IL1RAPL2: variants seen among roughly 807,000 people sequenced by gnomAD.
IL1RAPL2 encodes interleukin 1 receptor accessory protein like 2, also known as X-linked interleukin-1 receptor accessory protein-like 2.
Under a neutral mutation model 44.1 loss-of-function variants are expected in IL1RAPL2, and 3 were observed. That is an observed-to-expected ratio of 0.07 (90% CI 0.03 to 0.18). IL1RAPL2 has a LOEUF of 0.18. IL1RAPL2 is among the 10% of genes least tolerant of loss of function. The probability of loss-of-function intolerance (pLI) is 1.00; values close to 1 mark genes in which losing one functional copy is unlikely to be tolerated. For synonymous variants in IL1RAPL2, 181 were observed against 178.8 expected, an observed-to-expected ratio of 1.01 and a Z score of -0.10; for missense variants, 391 against 496.4, an observed-to-expected ratio of 0.79 and a Z score of 2.02.
intron 1 of IL1RAPL2, among the ~76,000 whole-genome samples, chrX:104,632,345 G>T (rs1398309542): frequency 2.7e-5 from 3 of 111,384 alleles, no homozygotes; most frequent in Middle Eastern, 9.2e-3. Flanking sequence ...GGTTCCATAT[G>T]AACTTTAAAG....
intron 2 of IL1RAPL2, among the ~76,000 whole-genome samples, chrX:105,132,602 T>A (rs1472134282): frequency 9.0e-6 from 1 of 111,704 alleles, no homozygotes; most frequent in Non-Finnish European, 1.9e-5. Flanking sequence ...ACAATGTGCC[T>A]GGATGGTTTC....
At chrX:104,855,389 A>T (rs1462105016) in intron 2 of IL1RAPL2, among the ~76,000 whole-genome samples, 1 of 111,299 alleles carries the variant, frequency 9.0e-6, no homozygotes, top group Non-Finnish European at 1.9e-5. Flanking sequence ...GGGGTAAGGG[A>T]ATGGCAATCT....
intron 6 of IL1RAPL2, among the ~76,000 whole-genome samples, chrX:105,559,661 T>C (rs1397957578): frequency 2.7e-5 from 3 of 111,915 alleles, no homozygotes; most frequent in African/African-American, 9.7e-5. Context: ...CACTTGAAAC[T>C]ATCACTTGGC....
intron 2 of IL1RAPL2, among the ~76,000 whole-genome samples, chrX:104,853,958 G>GA (rs2147643683): frequency 9.3e-6 from 1 of 107,777 alleles, no homozygotes; most frequent in Non-Finnish European, 1.9e-5. Context: ...TGGAGTGTGT[G>GA]AAAAAAGTAT....
chrX:104,675,074 A>C (rs1261244547), intron 2 of IL1RAPL2, among the ~76,000 whole-genome samples: 1 of 111,069 alleles, frequency 9.0e-6, no homozygotes, highest in Non-Finnish European at 1.9e-5. Context: ...AATTTTTTGA[A>C]GGGTTTTTTG....
intron 3 of IL1RAPL2, among the ~76,000 whole-genome samples, chrX:105,225,646 G>A (rs2034006431): frequency 9.3e-6 from 1 of 107,122 alleles, no homozygotes; most frequent in East Asian, 3.0e-4. Flanking sequence ...TTTCAAAGGT[G>A]TATGTATAGA....
At chrX:104,568,251 C>G (rs1183292038) in intron 1 of IL1RAPL2, among the ~76,000 whole-genome samples, 7 of 110,570 alleles carry the variant, frequency 6.3e-5, no homozygotes, top group Non-Finnish European at 1.1e-4. Context: ...ATTAAACATG[C>G]GGCATAGCTG....
At chrX:105,671,911 T>C (rs928243055) in intron 6 of IL1RAPL2, among the ~76,000 whole-genome samples, 4 of 111,497 alleles carry the variant, frequency 3.6e-5, no homozygotes, top group Non-Finnish European at 1.9e-5. Context: ...ATGGTTTATT[T>C]CATCTATCCC....
At chrX:105,019,261 G>T (rs2031241299) in intron 2 of IL1RAPL2, among the ~76,000 whole-genome samples, 1 of 111,035 alleles carries the variant, frequency 9.0e-6, no homozygotes, top group African/African-American at 3.3e-5. Context: ...TTCTTCCTTT[G>T]TTTACAGAAA....
intron 2 of IL1RAPL2, among the ~76,000 whole-genome samples, chrX:105,081,418 A>T (rs1346756054): frequency 9.0e-6 from 1 of 111,580 alleles, no homozygotes; most frequent in Non-Finnish European, 1.9e-5. Flanking sequence ...CCTTTTCATT[A>T]TCAAATTTTG....
intron 2 of IL1RAPL2, among the ~76,000 whole-genome samples, chrX:104,869,965 TTAGATGGAATTATTCCAAAA>T (rs1443348749): frequency 7.1e-5 from 8 of 111,954 alleles, no homozygotes. Context: ...TTATCTCTGT[TTAGATGGAATTATTCCAAAA>T]GATCTCTTAT....
chrX:104,963,002 C>T (rs980507742), intron 2 of IL1RAPL2, among the ~76,000 whole-genome samples: 28 of 111,793 alleles, frequency 2.5e-4, no homozygotes, highest in African/African-American at 7.5e-4. Flanking sequence ...TTTCTTCATC[C>T]CTGAGAGGGG....
intron 2 of IL1RAPL2, among the ~76,000 whole-genome samples, chrX:104,789,367 C>A (rs989675273): frequency 3.6e-4 from 40 of 111,562 alleles, no homozygotes; most frequent in African/African-American, 1.3e-3. Flanking sequence ...ATATTTAGTT[C>A]CCACTTATAA....
chrX:105,268,358 A>G (rs1035404350), intron 5 of IL1RAPL2, among the ~76,000 whole-genome samples: 5 of 111,721 alleles, frequency 4.5e-5, no homozygotes, highest in African/African-American at 6.5e-5. Context: ...AAAAATGGAT[A>G]CGGGACAGAG....
intron 2 of IL1RAPL2, among the ~76,000 whole-genome samples, chrX:104,906,288 C>A (rs1924001060): frequency 9.1e-6 from 1 of 110,447 alleles, no homozygotes; most frequent in African/African-American, 3.3e-5. Context: ...TAATTGAATA[C>A]CCTTTATTTC....
intron 5 of IL1RAPL2, among the ~76,000 whole-genome samples, chrX:105,292,053 G>GA (rs2034617353): frequency 9.0e-6 from 1 of 110,840 alleles, no homozygotes; most frequent in African/African-American, 3.3e-5. Context: ...TGAATTCCCT[G>GA]CATATACTGA....
intron 2 of IL1RAPL2, among the ~76,000 whole-genome samples, chrX:105,152,225 G>GA (rs1275378266): frequency 5.4e-5 from 6 of 111,653 alleles, no homozygotes; most frequent in Admixed American, 4.7e-4. Flanking sequence ...CTTATTCCCA[G>GA]AAAAAATATT....
At position 104,934,842 on chromosome X, in the gene IL1RAPL2, G is replaced by A. The variant is rs184081265; in HGVS notation, c.83-260633G>A. Among the ~76,000 whole-genome samples, 372 of 111,814 alleles carry A rather than the reference G, an allele frequency of 3.3e-3. 1 individual carries two copies. Among genetic ancestry groups the A allele is most frequent in the African/African-American group, 0.011 (342 of 30,861 alleles). ...CATATTTGTTTGGCATACAAATATA[G>A]ATAGCCAACAGGGATTGTAAATAAT... On this transcript the variant is annotated intron_variant, in intron 2 of 10. Coordinates refer to ENST00000372582, the MANE Select transcript of IL1RAPL2 (RefSeq NM_017416.2).
At chrX:104,890,137 T>A (rs760621999) in intron 2 of IL1RAPL2, among the ~76,000 whole-genome samples, 1 of 112,121 alleles carries the variant, frequency 8.9e-6, no homozygotes, top group East Asian at 2.8e-4. Context: ...ACTCATCTTT[T>A]TTATGGCTGC....
Sources: gnomAD v4.1 joint callset for allele counts (sites outside exome capture counted in the v4.1 genomes callset) on GRCh38, gnomAD v4.1.1 for gene constraint, MANE v1.5 for transcripts, NCBI Gene and HGNC (gene_info 2026-07-23, HGNC 2026-07-21) for gene names.